Variants in MUC12 observed in about 807,000 individuals in gnomAD.
MUC12 encodes the protein mucin 12, cell surface associated.
MUC12 carries 172 observed loss-of-function variants against 230.8 expected under a neutral mutation model. The ratio of observed to expected loss-of-function variants is 0.75; its 90% CI spans 0.66 to 0.85. MUC12 has a LOEUF of 0.85. Among genes scored for constraint, MUC12 ranks in the 40% least tolerant of loss-of-function variants. MUC12 has a pLI of 0.00. For missense variants in MUC12, 3,506 were observed against 5,920.6 expected (o/e 0.59, Z 13.38); for synonymous variants, 1,259 against 2,401.9 (o/e 0.52, Z 13.91).
chr7:100,988,467 C>T (rs116766914), intron 1 of MUC12, among the ~76,000 whole-genome samples: 203 of 152,144 alleles, frequency 1.3e-3, no homozygotes, highest in African/African-American at 4.6e-3. Flanking sequence ...CCTTCCTGTA[C>T]GGCCTGCAGA....
intron 1 of MUC12, among the ~76,000 whole-genome samples, chr7:100,989,100 T>C (rs1357763086): frequency 1.1e-5 from 1 of 92,966 alleles, no homozygotes; most frequent in Non-Finnish European, 2.2e-5. Context: ...CCTCTTCTTC[T>C]TTTTTTTTTT....
In MUC12 at chr7:101,012,312, G is replaced by A. The variant is rs370515431; in HGVS notation, c.15268G>A (p.Val5090Ile). 1.3e-4 allele frequency: 196 copies of A among 1,537,044 alleles called. No individual in the cohort carries two copies. The highest frequency in any genetic ancestry group is 1.1e-4 in the Non-Finnish European group (124 of 1,146,890). The change falls in exon 6 of 12, where the codon GTC becomes ATC. Residue 5090 changes from valine (V) to isoleucine (I), a missense_variant. Transcript: ENST00000536621. ...CACTTCCAGCAACGGTAGCATCGTG[G>A]TCAAGAACGATGTCATCCTGGAGGC... ...IRRLLNGSIV[V>I]KNDVILEADY... is the part of the protein sequence containing the mutation.
At chr7:100,972,154 T>C (rs1409373431) in intron 1 of MUC12, 1 of 703,384 alleles carries the variant, frequency 1.4e-6, no homozygotes, top group African/African-American at 1.7e-5. Context: ...TCCCAGCAGG[T>C]AGCTCATATA....
chr7:101,008,593 G>C, intron 3 of MUC12, 41 bp from the exon 4 acceptor site: 6 of 1,525,458 alleles, frequency 3.9e-6, no homozygotes, highest in Non-Finnish European at 5.3e-6. Flanking sequence ...GACATTATTG[G>C]GAGGTCGCTG....
At chr7:100,978,369 G>A (rs1220356805) in intron 1 of MUC12, among the ~76,000 whole-genome samples, 1 of 152,194 alleles carries the variant, frequency 6.6e-6, no homozygotes, top group African/African-American at 2.4e-5. Flanking sequence ...AGCAGAATGT[G>A]CACCTAGAAC....
At position 101,009,176 on chromosome 7, in the gene MUC12, G is replaced by C; in HGVS notation, c.15251+17G>C. 2 of 1,536,254 alleles carry C rather than the reference G, an allele frequency of 1.3e-6. No individual in the cohort carries two copies. Among genetic ancestry groups the C allele is most frequent in the African/African-American group, 2.7e-5 (2 of 73,132 alleles). On this transcript the variant is annotated intron_variant, in intron 5 of 11. Coordinates refer to ENST00000536621, the MANE Select transcript of MUC12 (RefSeq NM_001164462.2). ...GAGATTGCTGTGAGTATATTGGGGG[G>C]CAGGTTTATAGATGTGGGGAAATCC... is the stretch of plus-strand genomic sequence containing the variant.
chr7:101,007,929 C>G (rs1314393018), intron 3 of MUC12, among the ~76,000 whole-genome samples: 1 of 151,320 alleles, frequency 6.6e-6, no homozygotes, highest in Non-Finnish European at 1.5e-5. Context: ...TCCCAAGTAG[C>G]TGGGACTACA....
Position 101,002,941 on chromosome 7 carries a change from G to A in MUC12, c.12378G>A (p.Leu4126=). The change falls in exon 2 of 12, where the codon TTG becomes TTA. Residue 4126 remains leucine (L), a synonymous_variant. Coordinates refer to ENST00000536621, the MANE Select transcript of MUC12 (RefSeq NM_001164462.2). ...TTHFSASSTT[L]GRSEESTTVH... Reference sequence around the variant, plus strand: ...ACTTTTCTGCCAGTTCCACAACCTTGGGCCGTAGTGAGGAATCAACAACAG... The same window carrying A: ...ACTTTTCTGCCAGTTCCACAACCTTAGGCCGTAGTGAGGAATCAACAACAG... The A allele has an allele frequency of 8.0e-7, 1 of 1,250,608 alleles. No individual in the cohort carries two copies. The highest frequency in any genetic ancestry group is 2.6e-5 in the East Asian group (1 of 38,142). 77.5% of individuals were successfully genotyped at this position (1,250,608 alleles called of 1,614,324 possible).
Position 100,992,171 on chromosome 7 carries a change from C to G in MUC12, c.1608C>G (p.Phe536Leu), listed in dbSNP as rs1020328585. 6.5e-7 allele frequency: 1 copy of G among 1,537,882 alleles called. No homozygotes were observed. Among genetic ancestry groups the G allele is most frequent in the East Asian group, 2.4e-5 (1 of 40,926 alleles). Residue 536 changes from phenylalanine to leucine, a missense_variant, in exon 2 of 12, where the codon TTC becomes TTG. Phe to Leu is a conservative substitution (Grantham distance 22, BLOSUM62 0). Coordinates refer to ENST00000536621, the MANE Select transcript of MUC12 (RefSeq NM_001164462.2). ...CAGGCTCAACACACACAACAGCATT[C>G]CCTGGCAGTACCACCATGCCAGGCC... ...SRPGSTHTTA[F>L]PGSTTMPGLS... is the part of the protein sequence containing the mutation.
rs755173102 is a variant in MUC12 at position 100,993,057 on chromosome 7, T to A, written c.2494T>A (p.Ser832Thr). The A allele has an allele frequency of 6.5e-7, 1 of 1,535,448 alleles. No homozygotes were observed. The highest frequency in any genetic ancestry group is 8.7e-7 in the Non-Finnish European group (1 of 1,146,926). The change falls in exon 2 of 12, where the codon TCA (serine) becomes ACA (threonine). Residue 832 changes from serine (S) to threonine (T), a missense_variant. By Grantham distance (58) the Ser-to-Thr change is moderately conservative (BLOSUM62 1). Coordinates refer to ENST00000536621, the MANE Select transcript of MUC12 (RefSeq NM_001164462.2). The part of the protein sequence containing the change: ...RSTTFHSSPR[S>T]PATTLSPAST... Reference sequence around the variant, plus strand: ...TACCACTTTCCATAGTAGCCCCAGATCACCAGCCACAACACTCTCACCTGC... The same window carrying A: ...TACCACTTTCCATAGTAGCCCCAGAACACCAGCCACAACACTCTCACCTGC...
At chr7:100,988,100 G>T (rs1030049196) in intron 1 of MUC12, among the ~76,000 whole-genome samples, 1 of 151,832 alleles carries the variant, frequency 6.6e-6, no homozygotes. Context: ...AGGAGTTCGA[G>T]ATCTGCCTGG....
At chr7:100,977,390 G>A (rs116264689) in intron 1 of MUC12, among the ~76,000 whole-genome samples, 14,934 of 150,378 alleles carry the variant, frequency 0.099, 1,184 homozygotes, top group Admixed American at 0.26. Context: ...TTTTTGAGAC[G>A]GAGTGTCTTT....
rs192952469 is a variant in MUC12 at position 101,017,382 on chromosome 7, G to A, written c.15878-193G>A. Reference sequence around the variant, plus strand: ...CCGCTCCCTCCTGTTCCGGGGTCCAGCGGGCGGCTCCCCAGGCAGGCTCTG... The same window carrying A: ...CCGCTCCCTCCTGTTCCGGGGTCCAACGGGCGGCTCCCCAGGCAGGCTCTG... On this transcript the variant is annotated intron_variant, in intron 10 of 11. Coordinates refer to ENST00000536621, the MANE Select transcript of MUC12 (RefSeq NM_001164462.2). 1.6e-3 allele frequency: 888 copies of A among 554,292 alleles called. 8 individuals carry two copies. Among genetic ancestry groups the A allele is most frequent in the African/African-American group, 0.015 (808 of 52,600 alleles). 34.3% of individuals were successfully genotyped at this position (554,292 alleles called of 1,614,324 possible).
chr7:101,015,659 C>G lies in MUC12; in HGVS notation c.15845C>G (p.Pro5282Arg). ...VPQEWRKEGTPGIFQKTAIWE... is the reference protein window; with the variant it reads ...VPQEWRKEGTRGIFQKTAIWE... The stretch of plus-strand genomic sequence containing the variant: ...CAAGAGTGGCGAAAGGAAGGCACCC[C>G]TGGCATCTTCCAGAAGACGGCCATC... The change falls in exon 10 of 12, where the codon CCT becomes CGT. Residue 5282 changes from proline to arginine, a missense_variant. Coordinates refer to ENST00000536621, the MANE Select transcript of MUC12 (RefSeq NM_001164462.2). The G allele has an allele frequency of 6.5e-7, 1 of 1,537,716 alleles. No homozygotes were observed.
intron 9 of MUC12, chr7:101,014,285 A>G (rs1793882955): frequency 2.1e-6 from 1 of 474,736 alleles, no homozygotes. Flanking sequence ...GTTTTAGTCC[A>G]TTTTGTGCTA....
rs189580689 is a variant in MUC12 at position 100,995,608 on chromosome 7, G to A, written c.5045G>A (p.Arg1682His). 960 of 1,536,656 alleles carry A rather than the reference G, an allele frequency of 6.2e-4. 4 individuals are homozygous for A. The highest frequency in any genetic ancestry group is 1.3e-3 in the African/African-American group (93 of 72,164). The change falls in exon 2 of 12, where the codon CGT (arginine) becomes CAT (histidine). Residue 1682 changes from arginine (R) to histidine (H), a missense_variant. Physicochemically the swap from Arg to His is conservative, Grantham distance 29. Coordinates refer to ENST00000536621, the MANE Select transcript of MUC12 (RefSeq NM_001164462.2). Reference sequence around the variant, plus strand: ...CTGTCCCCTGCCGGCTCTACAACACGTCAGGGAGAATCTACCACCTTCCAG... The same window carrying A: ...CTGTCCCCTGCCGGCTCTACAACACATCAGGGAGAATCTACCACCTTCCAG... ...TTLSPAGSTT[R>H]QGESTTFQSW...
In MUC12 at chr7:101,005,225, A is replaced by C. The variant is rs1446362509; in HGVS notation, c.14662A>C (p.Thr4888Pro). 4.6e-6 allele frequency: 7 copies of C among 1,537,784 alleles called. No individual in the cohort carries two copies. Among genetic ancestry groups the C allele is most frequent in the Non-Finnish European group, 6.1e-6 (7 of 1,147,016 alleles). The change falls in exon 2 of 12, where the codon ACT becomes CCT. Residue 4888 changes from threonine (T) to proline (P), a missense_variant. Coordinates refer to ENST00000536621, the MANE Select transcript of MUC12 (RefSeq NM_001164462.2). Reference protein sequence around the residue: ...STPFPDSPGFTHTVLPATLTT... With the variant: ...STPFPDSPGFPHTVLPATLTT... ...ACCCTTCCCTGACAGCCCAGGCTTC[A>C]CTCACACAGTGTTACCTGCCACCCT...
intron 1 of MUC12, chr7:100,981,453 C>T: frequency 1.8e-6 from 1 of 560,034 alleles, no homozygotes; most frequent in Non-Finnish European, 3.2e-6. Context: ...GCCTGGGGCT[C>T]CCACTTAGTG....
Position 100,991,994 on chromosome 7 carries a change from C to G in MUC12, c.1431C>G (p.Thr477=), listed in dbSNP as rs1239944290. Residue 477 remains threonine (T), a synonymous_variant, in exon 2 of 12, where the codon ACC becomes ACG. Coordinates refer to ENST00000536621, the MANE Select transcript of MUC12 (RefSeq NM_001164462.2). The part of the protein sequence containing the change: ...PSPISSGSME[T]TALPGSTTKP... ...CCATCAGTTCAGGCTCAATGGAAAC[C>G]ACAGCGTTACCCGGCAGTACCACAA... The G allele has an allele frequency of 6.6e-5, 101 of 1,537,936 alleles. No homozygotes were observed. The highest frequency in any genetic ancestry group is 8.4e-5 in the Non-Finnish European group (96 of 1,147,056).
Sources: allele counts gnomAD v4.1 joint callset (sites outside exome capture counted in the v4.1 genomes callset), GRCh38; gene constraint gnomAD v4.1.1; transcripts MANE v1.5; gene names NCBI Gene and HGNC (gene_info 2026-07-23, HGNC 2026-07-21).